DLG2: variants seen among roughly 807,000 people sequenced by gnomAD.
DLG2 encodes the protein disks large homolog 2.
DLG2 carries 45 observed loss-of-function variants against 132.5 expected under a neutral mutation model. The observed-to-expected ratio is 0.34, with a 90% CI of 0.27 to 0.44. DLG2 has a LOEUF of 0.44. DLG2 is among the 20% of genes least tolerant of loss of function. The pLI, the probability that DLG2 is intolerant of heterozygous loss-of-function variation, is 1.00. For synonymous variants in DLG2, 424 were observed against 419.6 expected, an observed-to-expected ratio of 1.01 and a Z score of -0.13; for missense variants, 1,045 against 1,196.9, an observed-to-expected ratio of 0.87 and a Z score of 1.87.
chr11:84,836,846 G>C (rs546775902), intron 6 of DLG2, among the ~76,000 whole-genome samples: 4 of 150,466 alleles, frequency 2.7e-5, no homozygotes, highest in African/African-American at 9.7e-5. Context: ...TTTATACCCA[G>C]TGTCCATAAA....
At chr11:85,530,184 T>C (rs1255468421) in intron 3 of DLG2, among the ~76,000 whole-genome samples, 3 of 151,630 alleles carry the variant, frequency 2.0e-5, no homozygotes, top group Non-Finnish European at 4.4e-5. Flanking sequence ...TTAGTAGAGA[T>C]GGAGTTTCTC....
chr11:83,870,419 A>G (rs1181753354), intron 16 of DLG2, among the ~76,000 whole-genome samples: 1 of 152,204 alleles, frequency 6.6e-6, no homozygotes, highest in Admixed American at 6.5e-5. Context: ...AGTTCCACAC[A>G]TGTTGCTGAA....
chr11:83,868,057 A>G (rs1352666714), intron 16 of DLG2, among the ~76,000 whole-genome samples: 3 of 152,200 alleles, frequency 2.0e-5, no homozygotes, highest in Admixed American at 1.3e-4. Flanking sequence ...GACACAAGGA[A>G]AAATGAAAAG....
chr11:84,882,276 G>T (rs2087467517), intron 6 of DLG2, among the ~76,000 whole-genome samples: 1 of 151,888 alleles, frequency 6.6e-6, no homozygotes, highest in African/African-American at 2.4e-5. Flanking sequence ...AGGAAAACAG[G>T]TTCTTGTGGG....
At chr11:84,204,950 C>T (rs184450916) in intron 8 of DLG2, among the ~76,000 whole-genome samples, 1 of 152,254 alleles carries the variant, frequency 6.6e-6, no homozygotes, top group African/African-American at 2.4e-5. Flanking sequence ...GTGATACACC[C>T]GCCTCAGCCT....
chr11:84,641,926 T>TAC (rs1428263840), intron 6 of DLG2, among the ~76,000 whole-genome samples: 18 of 150,868 alleles, frequency 1.2e-4, no homozygotes, highest in South Asian at 2.1e-4. Flanking sequence ...ATGTTATATA[T>TAC]ACACACACAC....
chr11:84,951,605 T>C (rs868778505), intron 6 of DLG2, among the ~76,000 whole-genome samples: 5 of 149,744 alleles, frequency 3.3e-5, no homozygotes, highest in South Asian at 2.1e-4. Context: ...TATATACACA[T>C]ATATATACAC....
At chr11:84,952,409 C>G (rs1248967864) in intron 6 of DLG2, among the ~76,000 whole-genome samples, 1 of 151,894 alleles carries the variant, frequency 6.6e-6, no homozygotes, top group African/African-American at 2.4e-5. Flanking sequence ...CCCAGCTACT[C>G]GGGAGGCTGA....
chr11:83,834,564 T>C (rs568897226), intron 16 of DLG2, among the ~76,000 whole-genome samples: 4 of 152,284 alleles, frequency 2.6e-5, no homozygotes, highest in Non-Finnish European at 5.9e-5. Flanking sequence ...GTCATGAGAA[T>C]GAGTATGATT....
At chr11:84,588,092 A>T (rs1185069061) in intron 6 of DLG2, among the ~76,000 whole-genome samples, 1 of 152,130 alleles carries the variant, frequency 6.6e-6, no homozygotes, top group African/African-American at 2.4e-5. Context: ...CATTCCTGCC[A>T]CACACACTGT....
chr11:85,206,845 A>C (rs1565157801), intron 4 of DLG2, among the ~76,000 whole-genome samples: 1 of 152,062 alleles, frequency 6.6e-6, no homozygotes, highest in Non-Finnish European at 1.5e-5. Flanking sequence ...AAATGAAAAA[A>C]AGCGCATATC....
At chr11:84,864,988 G>C (rs2084324576) in intron 6 of DLG2, among the ~76,000 whole-genome samples, 1 of 152,106 alleles carries the variant, frequency 6.6e-6, no homozygotes. Flanking sequence ...CCAAGACAGA[G>C]TAATACACTA....
At chr11:85,122,949 T>TTATATATATATTATATATATATATA (rs1555376285) in intron 5 of DLG2, among the ~76,000 whole-genome samples, 3 of 48,148 alleles carry the variant, frequency 6.2e-5, no homozygotes, top group African/African-American at 2.0e-4. Flanking sequence ...TGTATATATA[T>TTATATATATATTATATATATATATA]TATATATATA....
chr11:84,958,044 T>C (rs1345484917), intron 6 of DLG2, among the ~76,000 whole-genome samples: 1 of 152,202 alleles, frequency 6.6e-6, no homozygotes, highest in African/African-American at 2.4e-5. Flanking sequence ...ACCATCCTTA[T>C]TTCTGGGGTG....
At position 84,905,829 on chromosome 11, in the gene DLG2, C is replaced by G. The variant is rs56264032; in HGVS notation, c.357+205832G>C. 7.3e-3 allele frequency among the ~76,000 whole-genome samples: 1,106 copies of G among 152,224 alleles called. 4 individuals carry two copies. Among genetic ancestry groups the G allele is most frequent in the Middle Eastern group, 0.024 (7 of 294 alleles). On this transcript the variant is annotated intron_variant, in intron 6 of 27. Transcript: ENST00000376104. Reference sequence around the variant, plus strand: ...TTCTTATTATTAATCTGTTGAAAAGCCTGAGCCATTTGACCTTTAGACTTC... The same window carrying G: ...TTCTTATTATTAATCTGTTGAAAAGGCTGAGCCATTTGACCTTTAGACTTC...
intron 6 of DLG2, among the ~76,000 whole-genome samples, chr11:85,050,154 ACTG>A (rs2062758937): frequency 1.3e-5 from 2 of 150,272 alleles, no homozygotes; most frequent in East Asian, 2.0e-4. Context: ...ACACACACAC[ACTG>A]CACACATACA....
chr11:85,292,210 C>T (rs184083473), intron 3 of DLG2, among the ~76,000 whole-genome samples: 23 of 152,134 alleles, frequency 1.5e-4, no homozygotes, highest in African/African-American at 4.3e-4. Context: ...CCATATGAGT[C>T]CAAAACTACT....
At chr11:83,861,295 A>G (rs2061414974) in intron 16 of DLG2, among the ~76,000 whole-genome samples, 1 of 152,244 alleles carries the variant, frequency 6.6e-6, no homozygotes, top group African/African-American at 2.4e-5. Context: ...GTAAATTAGT[A>G]CAATCACTAT....
chr11:84,860,241 C>T (rs1248018618), intron 6 of DLG2, among the ~76,000 whole-genome samples: 2 of 152,100 alleles, frequency 1.3e-5, no homozygotes, highest in Admixed American at 6.5e-5. Context: ...TTCACATTTG[C>T]TAATTATATT....
Sources: gnomAD v4.1 joint callset for allele counts (sites outside exome capture counted in the v4.1 genomes callset) on GRCh38, gnomAD v4.1.1 for gene constraint, MANE v1.5 for transcripts, NCBI Gene and HGNC (gene_info 2026-07-23, HGNC 2026-07-21) for gene names.